Variants in SNX3 observed in about 807,000 individuals in gnomAD.
The protein encoded by SNX3 is sorting nexin-3.
Under a neutral mutation model 17.7 loss-of-function variants are expected in SNX3, and 5 were observed. The observed-to-expected ratio is 0.28, with a 90% CI of 0.15 to 0.59. The LOEUF (loss-of-function observed/expected upper bound fraction) is 0.59. Ranked by LOEUF, SNX3 falls within the 20% of genes least tolerant of loss-of-function variation. The pLI is 0.88. For missense variants in SNX3, 132 were observed against 206.8 expected, an observed-to-expected ratio of 0.64 and a Z score of 2.22; for synonymous variants, 91 against 76.5, an observed-to-expected ratio of 1.19 and a Z score of -0.99.
At chr6:108,230,816 C>A (rs1289542444) in intron 1 of SNX3, among the ~76,000 whole-genome samples, 2 of 152,152 alleles carry the variant, frequency 1.3e-5, no homozygotes, top group Non-Finnish European at 2.9e-5. Flanking sequence ...ACTGTAATTA[C>A]CTGCATCTCA....
intron 1 of SNX3, among the ~76,000 whole-genome samples, chr6:108,227,748 C>G (rs1487601660): frequency 6.6e-6 from 1 of 151,912 alleles, no homozygotes; most frequent in African/African-American, 2.4e-5. Context: ...TGTTAAACGT[C>G]TTCCTCATCA....
intron 1 of SNX3, among the ~76,000 whole-genome samples, chr6:108,243,789 C>T (rs1775599853): frequency 6.6e-6 from 1 of 152,062 alleles, no homozygotes; most frequent in Non-Finnish European, 1.5e-5. Flanking sequence ...AAAAACCAGC[C>T]AGGCATGGTG....
chr6:108,220,706 AG>A (rs1189071308), intron 2 of SNX3, among the ~76,000 whole-genome samples: 2 of 152,138 alleles, frequency 1.3e-5, no homozygotes, highest in Non-Finnish European at 1.5e-5. Context: ...GGTCAGGCAC[AG>A]TGGCTCACAC....
At chr6:108,245,023 A>G (rs1228226963) in intron 1 of SNX3, among the ~76,000 whole-genome samples, 2 of 152,108 alleles carry the variant, frequency 1.3e-5, no homozygotes, top group Non-Finnish European at 2.9e-5. Context: ...TACATGTGCC[A>G]TGGTGGTTTG....
At chr6:108,227,614 T>G (rs1021530978) in intron 1 of SNX3, among the ~76,000 whole-genome samples, 1 of 152,154 alleles carries the variant, frequency 6.6e-6, no homozygotes, top group South Asian at 2.1e-4. Flanking sequence ...CTTAAGAAAG[T>G]TCCTTTAGTT....
intron 1 of SNX3, among the ~76,000 whole-genome samples, chr6:108,246,191 T>C (rs546458196): frequency 2.0e-5 from 3 of 152,168 alleles, no homozygotes; most frequent in African/African-American, 4.8e-5. Flanking sequence ...ATTTATTAAA[T>C]AGGGAATCCT....
rs1774415601 is a variant in SNX3, at chr6:108,211,857, T to C, written c.*292A>G. 3 of 213,328 alleles carry C rather than the reference T, an allele frequency of 1.4e-5. No homozygotes were observed. Among genetic ancestry groups the C allele is most frequent in the Middle Eastern group, 1.7e-3 (1 of 582 alleles). 13.2% of individuals were successfully genotyped at this position (213,328 alleles called of 1,614,324 possible). On this transcript the variant is annotated 3_prime_UTR_variant, in exon 4 of 4. Transcript: ENST00000230085. ...GCAAATAAGACCAAGCCAGTAACTT[T>C]AGTTACGACACTGCAGATTACACTG... is the stretch of plus-strand genomic sequence containing the variant.
chr6:108,214,649 G>A (rs2114703699), intron 2 of SNX3, 27 bp from the exon 3 acceptor site: 1 of 1,602,594 alleles, frequency 6.2e-7, no homozygotes, highest in Non-Finnish European at 8.5e-7. Flanking sequence ...GAAACTCCTT[G>A]ATCATGATGA....
intron 1 of SNX3, among the ~76,000 whole-genome samples, chr6:108,233,831 A>G (rs1207804526): frequency 6.6e-6 from 1 of 152,218 alleles, no homozygotes; most frequent in Non-Finnish European, 1.5e-5. Flanking sequence ...CTTAGCTGGG[A>G]CAGATATGGG....
chr6:108,251,841 C>T (rs896903490), intron 1 of SNX3, among the ~76,000 whole-genome samples: 1 of 152,022 alleles, frequency 6.6e-6, no homozygotes, highest in Non-Finnish European at 1.5e-5. Context: ...GTGGGCATAT[C>T]ACTTGAGGCC....
intron 1 of SNX3, among the ~76,000 whole-genome samples, chr6:108,241,182 A>T (rs1775512591): frequency 6.8e-6 from 1 of 148,046 alleles, no homozygotes; most frequent in African/African-American, 2.5e-5. Context: ...ATGTGTGCTT[A>T]CACAAAGCTG....
intron 1 of SNX3, among the ~76,000 whole-genome samples, chr6:108,258,185 C>T (rs970894587): frequency 2.0e-5 from 3 of 152,090 alleles, no homozygotes; most frequent in African/African-American, 4.8e-5. Flanking sequence ...TCAGGCCAGG[C>T]GCGGTGGCTC....
At chr6:108,212,881 T>TC (rs1774449695) in intron 3 of SNX3, among the ~76,000 whole-genome samples, 1 of 146,200 alleles carries the variant, frequency 6.8e-6, no homozygotes. Context: ...ATCCTAAGAA[T>TC]CTTTTTTTTT....
chr6:108,230,464 T>C (rs1200707885), intron 1 of SNX3, among the ~76,000 whole-genome samples: 1 of 152,196 alleles, frequency 6.6e-6, no homozygotes, highest in Non-Finnish European at 1.5e-5. Context: ...GATCAGCCGA[T>C]GTGGGCACAG....
intron 1 of SNX3, among the ~76,000 whole-genome samples, chr6:108,236,378 ATTTTTTTTTTTTT>A (rs1184591793): frequency 2.2e-5 from 3 of 133,440 alleles, no homozygotes; most frequent in South Asian, 2.3e-4. Flanking sequence ...TATTATTATT[ATTTTTTTTTTTTT>A]TTTTTTTTTT....
At chr6:108,232,373 G>A (rs188254553) in intron 1 of SNX3, among the ~76,000 whole-genome samples, 5 of 152,216 alleles carry the variant, frequency 3.3e-5, no homozygotes, top group Admixed American at 3.3e-4. Context: ...TGGTATAGAG[G>A]TCTAAAACAA....
chr6:108,223,896 T>C (rs1774894408), intron 1 of SNX3, among the ~76,000 whole-genome samples: 1 of 152,194 alleles, frequency 6.6e-6, no homozygotes. Flanking sequence ...GATATTTACA[T>C]AAATGTAGGT....
intron 1 of SNX3, among the ~76,000 whole-genome samples, chr6:108,248,205 A>G (rs1295435981): frequency 1.3e-5 from 2 of 152,090 alleles, no homozygotes; most frequent in Non-Finnish European, 2.9e-5. Flanking sequence ...TTCCCACTAC[A>G]GATTATGCAT....
At chr6:108,223,530 CAG>C (rs1293644388) in intron 1 of SNX3, among the ~76,000 whole-genome samples, 2 of 100,558 alleles carry the variant, frequency 2.0e-5, no homozygotes, top group African/African-American at 1.3e-4. Flanking sequence ...TTTTTTGAGA[CAG>C]AATCTCACTG....
Sources: gnomAD v4.1 joint callset for allele counts (sites outside exome capture counted in the v4.1 genomes callset) on GRCh38, gnomAD v4.1.1 for gene constraint, MANE v1.5 for transcripts, NCBI Gene and HGNC (gene_info 2026-07-23, HGNC 2026-07-21) for gene names.